DPP10: variants seen among roughly 807,000 people sequenced by gnomAD.
DPP10 encodes the protein inactive dipeptidyl peptidase 10.
In DPP10, 33 loss-of-function variants were observed where a neutral mutation model predicts 120.9. The ratio of observed to expected loss-of-function variants is 0.27; its 90% CI spans 0.21 to 0.37. The LOEUF (loss-of-function observed/expected upper bound fraction) is 0.37. Ranked by LOEUF, DPP10 falls within the 10% of genes least tolerant of loss-of-function variation. The probability of loss-of-function intolerance (pLI) is 1.00; values close to 1 mark genes in which losing one functional copy is unlikely to be tolerated. For synonymous variants in DPP10, 337 were observed against 326.1 expected, an observed-to-expected ratio of 1.03 and a Z score of -0.36; for missense variants, 816 against 942.8, an observed-to-expected ratio of 0.87 and a Z score of 1.76.
intron 5 of DPP10, among the ~76,000 whole-genome samples, chr2:115,559,148 T>A (rs1575174725): frequency 6.6e-6 from 1 of 152,234 alleles, no homozygotes; most frequent in Non-Finnish European, 1.5e-5. Flanking sequence ...ATATACTATT[T>A]CTTGAAATAT....
chr2:115,170,970 G>A (rs1278652023), intron 1 of DPP10, among the ~76,000 whole-genome samples: 1 of 152,104 alleles, frequency 6.6e-6, no homozygotes. Context: ...CTCTTTGCAT[G>A]AATGCCATCT....
intron 1 of DPP10, among the ~76,000 whole-genome samples, chr2:114,512,583 G>A (rs781572199): frequency 5.9e-5 from 9 of 152,158 alleles, no homozygotes; most frequent in Non-Finnish European, 7.3e-5. Context: ...GCTAAATACC[G>A]CAGGCACAGA....
At chr2:114,902,746 C>T (rs1414781162) in intron 1 of DPP10, among the ~76,000 whole-genome samples, 1 of 152,136 alleles carries the variant, frequency 6.6e-6, no homozygotes, top group Non-Finnish European at 1.5e-5. Context: ...CCATTATAAA[C>T]ACTCCCCACC....
At chr2:115,743,670 C>T in intron 9 of DPP10, among the ~76,000 whole-genome samples, 1 of 141,050 alleles carries the variant, frequency 7.1e-6, no homozygotes, top group South Asian at 2.2e-4. Context: ...ATATTCTTAT[C>T]TACAGACAGG....
At chr2:115,806,560 T>G (rs1206254236) in intron 19 of DPP10, among the ~76,000 whole-genome samples, 8 of 152,154 alleles carry the variant, frequency 5.3e-5, no homozygotes, top group Non-Finnish European at 1.0e-4. Flanking sequence ...ATCACCACCA[T>G]ACATTACTGA....
chr2:115,235,722 C>G (rs1313552418), intron 1 of DPP10, among the ~76,000 whole-genome samples: 1 of 152,060 alleles, frequency 6.6e-6, no homozygotes, highest in East Asian at 1.9e-4. Flanking sequence ...CCAACACACC[C>G]AGCTAATTTT....
intron 1 of DPP10, among the ~76,000 whole-genome samples, chr2:114,663,668 T>TATATATATATAG: frequency 3.7e-5 from 3 of 80,740 alleles, no homozygotes; most frequent in African/African-American, 9.4e-5. Context: ...TATATATATA[T>TATATATATATAG]AGAGAGAGAG....
At chr2:115,788,845 G>A (rs754024892) in intron 17 of DPP10, among the ~76,000 whole-genome samples, 7 of 152,184 alleles carry the variant, frequency 4.6e-5, no homozygotes, top group African/African-American at 7.2e-5. Context: ...GGCCAGGCGC[G>A]GTGGCTCACG....
At chr2:114,977,078 C>A (rs985316946) in intron 1 of DPP10, among the ~76,000 whole-genome samples, 5 of 152,056 alleles carry the variant, frequency 3.3e-5, no homozygotes, top group African/African-American at 1.2e-4. Flanking sequence ...ATATCTGTAG[C>A]AAAATTGTTT....
chr2:114,633,059 A>AAC (rs1177077095), intron 1 of DPP10, among the ~76,000 whole-genome samples: 1 of 151,780 alleles, frequency 6.6e-6, no homozygotes, highest in Non-Finnish European at 1.5e-5. Context: ...ATATTTAGAA[A>AAC]ACAAAATCTG....
chr2:114,493,248 G>A (rs567276982), intron 1 of DPP10, among the ~76,000 whole-genome samples: 1 of 152,298 alleles, frequency 6.6e-6, no homozygotes, highest in East Asian at 1.9e-4. Flanking sequence ...AAGGTAAGTG[G>A]AGCAAGTTAC....
chr2:114,808,321 C>T (rs192010014), intron 1 of DPP10, among the ~76,000 whole-genome samples: 3 of 152,280 alleles, frequency 2.0e-5, no homozygotes, highest in Admixed American at 2.0e-4. Flanking sequence ...ATGAACAATA[C>T]TTCTGTAAAC....
At chr2:114,945,271 G>A (rs931117554) in intron 1 of DPP10, among the ~76,000 whole-genome samples, 1 of 152,144 alleles carries the variant, frequency 6.6e-6, no homozygotes, top group Non-Finnish European at 1.5e-5. Flanking sequence ...TCTGCTCTCT[G>A]GAAGATAATG....
chr2:114,689,996 T>C (rs1313836422), intron 1 of DPP10, among the ~76,000 whole-genome samples: 1 of 152,090 alleles, frequency 6.6e-6, no homozygotes, highest in Non-Finnish European at 1.5e-5. Flanking sequence ...CTTTGTTAGA[T>C]GGATAGATTG....
At chr2:114,917,728 C>T (rs936810388) in intron 1 of DPP10, among the ~76,000 whole-genome samples, 12 of 151,964 alleles carry the variant, frequency 7.9e-5, no homozygotes, top group South Asian at 2.1e-4. Flanking sequence ...ATTAAATAAA[C>T]GGTGCTGGTA....
chr2:114,492,990 G>A (rs1177987295), intron 1 of DPP10, among the ~76,000 whole-genome samples: 1 of 152,144 alleles, frequency 6.6e-6, no homozygotes, highest in African/African-American at 2.4e-5. Context: ...AAGCACACAG[G>A]TACTATGAGA....
At chr2:115,477,804 T>G (rs1458734367) in intron 3 of DPP10, among the ~76,000 whole-genome samples, 1 of 152,158 alleles carries the variant, frequency 6.6e-6, no homozygotes, top group African/African-American at 2.4e-5. Flanking sequence ...AGCCCTTTTT[T>G]TGTGTGTTGC....
At position 114,595,472 on chromosome 2, in the gene DPP10, C is replaced by T. The variant is rs142705123; in HGVS notation, c.60+152634C>T. Among the ~76,000 whole-genome samples the T allele has an allele frequency of 3.9e-5, 6 of 152,154 alleles. No homozygotes were observed. In the East Asian group the frequency reaches 1.2e-3, roughly 29 times the overall value. On this transcript the variant is annotated intron_variant, in intron 1 of 25. Coordinates refer to ENST00000410059, the MANE Select transcript of DPP10 (RefSeq NM_020868.6). Reference sequence around the variant, plus strand: ...AAAAGAAGGGTTTGGAAGGTCCATGCCTATAAAGCCAACAAGACACTTTCT... The same window carrying T: ...AAAAGAAGGGTTTGGAAGGTCCATGTCTATAAAGCCAACAAGACACTTTCT...
At chr2:115,486,459 G>A (rs994218257) in intron 3 of DPP10, among the ~76,000 whole-genome samples, 2 of 152,118 alleles carry the variant, frequency 1.3e-5, no homozygotes, top group African/African-American at 4.8e-5. Context: ...GCAGTGTAGA[G>A]TTCTAGACCT....
Sources: gnomAD v4.1 joint callset for allele counts (sites outside exome capture counted in the v4.1 genomes callset) on GRCh38, gnomAD v4.1.1 for gene constraint, MANE v1.5 for transcripts, NCBI Gene and HGNC (gene_info 2026-07-23, HGNC 2026-07-21) for gene names.